ST6GAL1: variants seen among roughly 807,000 people sequenced by gnomAD.
ST6GAL1 encodes beta-galactoside alpha-2,6-sialyltransferase 1.
In ST6GAL1, 20 loss-of-function variants were observed where a neutral mutation model predicts 38.0. That is an observed-to-expected ratio of 0.53 (90% CI 0.37 to 0.77). ST6GAL1 has a LOEUF of 0.77. Among genes scored for constraint, ST6GAL1 ranks in the 30% least tolerant of loss-of-function variants. The pLI is 0.00. For missense variants in ST6GAL1, 432 were observed against 496.4 expected (o/e 0.87, Z 1.23); for synonymous variants, 196 against 188.2 (o/e 1.04, Z -0.34).
At chr3:186,974,725 T>TTG (rs1715463786) in intron 2 of ST6GAL1, among the ~76,000 whole-genome samples, 1 of 90,350 alleles carries the variant, frequency 1.1e-5, no homozygotes, top group Admixed American at 1.1e-4. Context: ...GAGAGCCTGG[T>TTG]TGGGGGGGGG....
chr3:187,045,628 TC>T (rs746038749), intron 4 of ST6GAL1, among the ~76,000 whole-genome samples: 1 of 152,184 alleles, frequency 6.6e-6, no homozygotes, highest in Non-Finnish European at 1.5e-5. Context: ...GCTCAAGTGG[TC>T]ACACAACTGG....
At chr3:187,020,084 G>T (rs898937695) in intron 2 of ST6GAL1, among the ~76,000 whole-genome samples, 1 of 152,126 alleles carries the variant, frequency 6.6e-6, no homozygotes, top group Non-Finnish European at 1.5e-5. Context: ...GGATCACGAG[G>T]TCAGGAATTC....
At chr3:187,066,010 A>G (rs566325400) in intron 5 of ST6GAL1, among the ~76,000 whole-genome samples, 1 of 152,148 alleles carries the variant, frequency 6.6e-6, no homozygotes, top group African/African-American at 2.4e-5. Flanking sequence ...TAAATCACCA[A>G]AGCTTTCTGG....
chr3:187,066,554 A>T (rs932627916), intron 5 of ST6GAL1, among the ~76,000 whole-genome samples: 5 of 152,034 alleles, frequency 3.3e-5, no homozygotes, highest in Admixed American at 1.3e-4. Context: ...GAGAAGAAAA[A>T]AGTCCAAAAT....
intron 1 of ST6GAL1, among the ~76,000 whole-genome samples, chr3:186,953,484 C>T (rs1213431229): frequency 6.6e-6 from 1 of 152,150 alleles, no homozygotes; most frequent in Non-Finnish European, 1.5e-5. Flanking sequence ...CATTTGACAG[C>T]CTTATATAAG....
intron 2 of ST6GAL1, among the ~76,000 whole-genome samples, chr3:187,035,298 A>C (rs886607266): frequency 1.3e-5 from 2 of 152,240 alleles, no homozygotes. Flanking sequence ...GGATTAAAAG[A>C]ATCAATATCA....
intron 5 of ST6GAL1, among the ~76,000 whole-genome samples, chr3:187,071,115 C>T (rs1272580252): frequency 6.6e-6 from 1 of 152,114 alleles, no homozygotes; most frequent in Admixed American, 6.5e-5. Flanking sequence ...ACTGCAGTGA[C>T]ATTGATTAGG....
chr3:187,048,409 G>T (rs1406999483), intron 4 of ST6GAL1, among the ~76,000 whole-genome samples: 1 of 152,094 alleles, frequency 6.6e-6, no homozygotes, highest in Non-Finnish European at 1.5e-5. Context: ...GACACTTGCT[G>T]CATCCTCTGA....
At chr3:186,977,352 A>G (rs1715554111) in intron 2 of ST6GAL1, among the ~76,000 whole-genome samples, 1 of 152,116 alleles carries the variant, frequency 6.6e-6, no homozygotes, top group African/African-American at 2.4e-5. Context: ...AAGGCGAGCT[A>G]TTTTGGCTTC....
In ST6GAL1 at chr3:187,042,907, C is replaced by T. The variant is rs776707903; in HGVS notation, c.204C>T (p.Thr68=). The T allele has an allele frequency of 1.9e-6, 3 of 1,614,158 alleles. No individual in the cohort carries two copies. In the East Asian group the frequency reaches 6.7e-5, roughly 36 times the overall value. ...SDSQSVSSSS[T]QDPHRGRQTL... ...CCCAGTCTGTATCCTCAAGCAGCAC[C>T]CAGGACCCCCACAGGGGCCGCCAGA... The change falls in exon 4 of 8, where the codon ACC becomes ACT. Residue 68 remains threonine, a synonymous_variant. Coordinates refer to ENST00000169298, the MANE Select transcript of ST6GAL1 (RefSeq NM_173216.2).
chr3:186,946,322 T>A (rs1455100397), intron 1 of ST6GAL1, among the ~76,000 whole-genome samples: 1 of 151,918 alleles, frequency 6.6e-6, no homozygotes, highest in Non-Finnish European at 1.5e-5. Context: ...AAAAAAAGTG[T>A]TCCTTTTCCT....
intron 2 of ST6GAL1, among the ~76,000 whole-genome samples, chr3:187,016,950 G>A (rs2108562126): frequency 6.6e-6 from 1 of 152,362 alleles, no homozygotes; most frequent in African/African-American, 2.4e-5. Context: ...TTCTCCAGCA[G>A]TACTGACTCA....
At chr3:187,002,245 A>C (rs181870533) in intron 2 of ST6GAL1, among the ~76,000 whole-genome samples, 1 of 152,192 alleles carries the variant, frequency 6.6e-6, no homozygotes, top group Non-Finnish European at 1.5e-5. Context: ...GATATTTCAT[A>C]TACTTATTAG....
chr3:186,946,018 C>G (rs4686816), intron 1 of ST6GAL1, among the ~76,000 whole-genome samples: 1 of 136,554 alleles, frequency 7.3e-6, no homozygotes, highest in African/African-American at 2.7e-5. Context: ...AGAAGGGTAC[C>G]TTTTCTGGCC....
intron 1 of ST6GAL1, among the ~76,000 whole-genome samples, chr3:186,962,879 C>A (rs939208508): frequency 6.6e-6 from 1 of 152,086 alleles, no homozygotes; most frequent in African/African-American, 2.4e-5. Context: ...TATTATGCAG[C>A]CATTAAAATG....
At chr3:187,060,096 G>A (rs769694463) in intron 5 of ST6GAL1, among the ~76,000 whole-genome samples, 2 of 152,088 alleles carry the variant, frequency 1.3e-5, no homozygotes, top group African/African-American at 4.8e-5. Flanking sequence ...AGTATATGTG[G>A]GACTATGTGG....
chr3:187,009,881 T>C (rs918266829), intron 2 of ST6GAL1, among the ~76,000 whole-genome samples: 1 of 152,008 alleles, frequency 6.6e-6, no homozygotes, highest in African/African-American at 2.4e-5. Flanking sequence ...GGTGGGCACC[T>C]GTAATCCCAG....
intron 4 of ST6GAL1, among the ~76,000 whole-genome samples, chr3:187,046,303 C>T (rs1390869862): frequency 6.6e-6 from 1 of 152,172 alleles, no homozygotes; most frequent in Non-Finnish European, 1.5e-5. Flanking sequence ...TGTATCTTAC[C>T]AAGGGGAGCA....
chr3:186,960,879 C>T (rs1426471287), intron 1 of ST6GAL1, among the ~76,000 whole-genome samples: 2 of 151,864 alleles, frequency 1.3e-5, no homozygotes, highest in African/African-American at 4.8e-5. Context: ...GCATGGTGTC[C>T]TGTCTACCTC....
Sources: allele counts gnomAD v4.1 joint callset (sites outside exome capture counted in the v4.1 genomes callset), GRCh38; gene constraint gnomAD v4.1.1; transcripts MANE v1.5; gene names NCBI Gene and HGNC (gene_info 2026-07-23, HGNC 2026-07-21).